TSC22D2: variants seen among roughly 807,000 people sequenced by gnomAD.
TSC22D2 encodes TSC22 domain family member 2.
A neutral mutation model predicts 50.1 loss-of-function variants in TSC22D2; 5 were observed. The observed-to-expected ratio is 0.10, with a 90% CI of 0.05 to 0.21. TSC22D2 has a LOEUF of 0.21. Ranked by LOEUF, TSC22D2 falls within the 10% of genes least tolerant of loss-of-function variation. TSC22D2 has a pLI of 1.00. For synonymous variants in TSC22D2, 501 were observed against 450.1 expected, an observed-to-expected ratio of 1.11 and a Z score of -1.43; for missense variants, 1,003 against 1,015.5, an observed-to-expected ratio of 0.99 and a Z score of 0.17.
intron 1 of TSC22D2, among the ~76,000 whole-genome samples, chr3:150,445,573 T>C (rs1401091542): frequency 6.6e-6 from 1 of 152,162 alleles, no homozygotes. Context: ...TTAACTCTTA[T>C]TTAATTTTCC....
intron 1 of TSC22D2, among the ~76,000 whole-genome samples, chr3:150,413,219 A>G (rs1313961198): frequency 6.6e-6 from 1 of 152,230 alleles, no homozygotes; most frequent in East Asian, 1.9e-4. Context: ...AAGAGTTGGT[A>G]ATCTGAAAAC....
intron 1 of TSC22D2, among the ~76,000 whole-genome samples, chr3:150,443,583 G>A (rs1720785613): frequency 6.6e-6 from 1 of 152,192 alleles, no homozygotes; most frequent in African/African-American, 2.4e-5. Flanking sequence ...TGAAATAAAT[G>A]TGAATGACTT....
chr3:150,436,868 T>C (rs1720562055), intron 1 of TSC22D2, among the ~76,000 whole-genome samples: 3 of 152,242 alleles, frequency 2.0e-5, no homozygotes, highest in Admixed American at 2.0e-4. Flanking sequence ...AGTTAAAATC[T>C]GTAACAGCAT....
In TSC22D2 at chr3:150,411,242, C is replaced by T. The variant is rs1316152514; in HGVS notation, c.1892C>T (p.Thr631Ile). Residue 631 changes from threonine to isoleucine, a missense_variant, in exon 1 of 3, where the codon ACA becomes ATA. This residue lies in a region of TSC22D2 where 696 missense variants were observed against 647.8 expected (regional missense o/e 1.07). Coordinates refer to ENST00000688009, the MANE Select transcript of TSC22D2 (RefSeq NM_001303264.2). ...TCCCTGGCAAACCCCCTTCAGTTAA[C>T]ACCTATGAACAGTCTGGCCACCTCT... ...ADSLANPLQL[T>I]PMNSLATSVF... 1 of 1,614,188 alleles carries T rather than the reference C, an allele frequency of 6.2e-7. No individual in the cohort carries two copies. The highest frequency in any genetic ancestry group is 2.2e-5 in the East Asian group (1 of 44,884).
rs969138140 is a variant in TSC22D2 at position 150,461,392 on chromosome 3, A to G, written c.*2756A>G. ...TAAATATTAACTGATTGAGATCCCAATTTGGAGGCACAGTCTTACAGGAAT... is the reference window on the plus strand; with the variant it reads ...TAAATATTAACTGATTGAGATCCCAGTTTGGAGGCACAGTCTTACAGGAAT... On this transcript the variant is annotated 3_prime_UTR_variant, in exon 3 of 3. Coordinates refer to ENST00000688009, the MANE Select transcript of TSC22D2 (RefSeq NM_001303264.2). The G allele has an allele frequency of 2.6e-5, 4 of 152,188 alleles. No individual in the cohort carries two copies. The highest frequency in any genetic ancestry group is 4.8e-5 in the African/African-American group (2 of 41,450). 9.4% of individuals were successfully genotyped at this position (152,188 alleles called of 1,614,324 possible). A position where few individuals can be genotyped will look rare whatever the true frequency, so the allele number is the denominator to read the frequency against.
intron 1 of TSC22D2, among the ~76,000 whole-genome samples, chr3:150,427,146 T>A (rs1429801000): frequency 6.6e-6 from 1 of 152,182 alleles, no homozygotes; most frequent in Non-Finnish European, 1.5e-5. Context: ...ACTCAAGTTA[T>A]GCAACTTAGC....
intron 1 of TSC22D2, among the ~76,000 whole-genome samples, chr3:150,443,398 G>A (rs528933463): frequency 2.8e-4 from 42 of 152,302 alleles, no homozygotes; most frequent in East Asian, 1.3e-3. Context: ...GTTCATGGCC[G>A]TAAGTCACTG....
intron 1 of TSC22D2, among the ~76,000 whole-genome samples, chr3:150,422,629 T>C (rs1402145342): frequency 6.6e-6 from 1 of 152,226 alleles, no homozygotes; most frequent in Non-Finnish European, 1.5e-5. Flanking sequence ...AGTTTTTATA[T>C]TGTGAAGATA....
rs1401347041 is a variant in TSC22D2, at chr3:150,463,314, T to C, written c.*4678T>C. 1.3e-5 allele frequency: 2 copies of C among 152,260 alleles called. No homozygotes were observed. Among genetic ancestry groups the C allele is most frequent in the African/African-American group, 4.8e-5 (2 of 41,458 alleles). The allele number at this position is 152,260 out of a possible 1,614,324, so 9.4% of individuals were successfully genotyped here. ...TTTGCTAGGCTTTAGCCTTTTATTC[T>C]TTGACATAGGTCAGTCCTGCAGGCT... On this transcript the variant is annotated 3_prime_UTR_variant, in exon 3 of 3. Coordinates refer to ENST00000688009, the MANE Select transcript of TSC22D2 (RefSeq NM_001303264.2).
intron 1 of TSC22D2, among the ~76,000 whole-genome samples, chr3:150,455,867 T>C (rs1721170953): frequency 6.7e-6 from 1 of 148,950 alleles, no homozygotes; most frequent in Non-Finnish European, 1.5e-5. Flanking sequence ...CAAGAGTAAT[T>C]TTTAAAAACC....
rs1721483424 is a variant in TSC22D2 at position 150,463,853 on chromosome 3, T to C, written c.*5217T>C. 1 of 152,200 alleles carries C rather than the reference T, an allele frequency of 6.6e-6. No individual in the cohort carries two copies. The highest frequency in any genetic ancestry group is 2.4e-5 in the African/African-American group (1 of 41,444). 9.4% of individuals were successfully genotyped at this position (152,200 alleles called of 1,614,324 possible). On this transcript the variant is annotated 3_prime_UTR_variant, in exon 3 of 3. Coordinates refer to ENST00000688009, the MANE Select transcript of TSC22D2 (RefSeq NM_001303264.2). ...TGGCGCAGTCCATTTAGTTGTTGAA[T>C]TTGTTCAGCATACCTGGATGGTGAG... is the stretch of plus-strand genomic sequence containing the variant.
chr3:150,412,953 C>T (rs1259984246), intron 1 of TSC22D2, among the ~76,000 whole-genome samples: 2 of 152,138 alleles, frequency 1.3e-5, no homozygotes, highest in South Asian at 2.1e-4. Flanking sequence ...GCCCATATCT[C>T]TTCAAGAAAT....
rs1482269366 is a variant in TSC22D2, at chr3:150,464,977, T to G, written c.*6341T>G. 1 of 152,214 alleles carries G rather than the reference T, an allele frequency of 6.6e-6. No individual in the cohort carries two copies. The highest frequency in any genetic ancestry group is 1.5e-5 in the Non-Finnish European group (1 of 68,038). 9.4% of individuals were successfully genotyped at this position (152,214 alleles called of 1,614,324 possible). ...TTGGCTGACAAAATCAGCTACCATT[T>G]AATGAACCAAGTTAAGAATAACTCA... On this transcript the variant is annotated 3_prime_UTR_variant, in exon 3 of 3. Transcript: ENST00000688009.
Position 150,459,572 on chromosome 3 carries a change from G to GTTTTTTTTTTTTTTTTTTTTTT in TSC22D2, c.*949_*950insTTTTTTTTTTTTTTTTTTTTTT, listed in dbSNP as rs11330414. The GTTTTTTTTTTTTTTTTTTTTTT allele has an allele frequency of 6.1e-5, 7 of 115,552 alleles. No homozygotes were observed. The highest frequency in any genetic ancestry group is 2.7e-4 in the East Asian group (1 of 3,644). The allele number at this position is 115,552 out of a possible 1,614,324, so 7.2% of individuals were successfully genotyped here. Reference sequence around the variant, plus strand: ...TAATGGAGTTTGGTTTTTTTTTGTTGTTTTTTTTTTTTTGTCTTTTTTTTT... The same window carrying GTTTTTTTTTTTTTTTTTTTTTT: ...TAATGGAGTTTGGTTTTTTTTTGTTGTTTTTTTTTTTTTTTTTTTTTTTTTTTTTTTTTTTGTCTTTTTTTTT... On this transcript the variant is annotated 3_prime_UTR_variant, in exon 3 of 3. Transcript: ENST00000688009.
chr3:150,450,894 A>T (rs547654607), intron 1 of TSC22D2, among the ~76,000 whole-genome samples: 1 of 152,336 alleles, frequency 6.6e-6, no homozygotes, highest in South Asian at 2.1e-4. Context: ...AATGCATTTT[A>T]GTAGTAATGA....
intron 1 of TSC22D2, among the ~76,000 whole-genome samples, chr3:150,415,909 G>A (rs1719778548): frequency 6.6e-6 from 1 of 152,232 alleles, no homozygotes. Flanking sequence ...TTAGGAATGG[G>A]AGTCTATCTT....
rs764433242 is a variant in TSC22D2 at position 150,409,817 on chromosome 3, C to T, written c.467C>T (p.Thr156Ile). 1.2e-6 allele frequency: 2 copies of T among 1,604,902 alleles called. No homozygotes were observed. Among genetic ancestry groups the T allele is most frequent in the Non-Finnish European group, 1.7e-6 (2 of 1,179,972 alleles). ...PVTAAPSQPP[T>I]TCSSRFRVIK... Reference sequence around the variant, plus strand: ...ACTGCAGCCCCATCTCAGCCTCCCACCACATGTAGTTCCCGTTTTCGCGTG... The same window carrying T: ...ACTGCAGCCCCATCTCAGCCTCCCATCACATGTAGTTCCCGTTTTCGCGTG... The change falls in exon 1 of 3, where the codon ACC (threonine) becomes ATC (isoleucine). Residue 156 changes from threonine to isoleucine, a missense_variant. Thr to Ile is a moderately conservative substitution (Grantham distance 89). Coordinates refer to ENST00000688009, the MANE Select transcript of TSC22D2 (RefSeq NM_001303264.2). The surrounding 1 kb of genome is among the most constrained non-coding windows in gnomAD (Gnocchi z 7.4).
chr3:150,418,991 C>G (rs1444754647), intron 1 of TSC22D2, among the ~76,000 whole-genome samples: 1 of 151,944 alleles, frequency 6.6e-6, no homozygotes, highest in African/African-American at 2.4e-5. Flanking sequence ...TTCTGTTTCC[C>G]TCAATATTAC....
At chr3:150,449,682 T>C (rs1359689530) in intron 1 of TSC22D2, among the ~76,000 whole-genome samples, 1 of 152,154 alleles carries the variant, frequency 6.6e-6, no homozygotes, top group Admixed American at 6.5e-5. Context: ...AGTAGCCTTG[T>C]TAACATTATT....
Sources: allele counts gnomAD v4.1 joint callset (sites outside exome capture counted in the v4.1 genomes callset), GRCh38; gene constraint gnomAD v4.1.1; regional missense constraint gnomAD v4.1.1; non-coding constraint Gnocchi (gnomAD v3.1); transcripts MANE v1.5; gene names NCBI Gene and HGNC (gene_info 2026-07-23, HGNC 2026-07-21).